The following SCRG1 variants were observed in gnomAD, a reference collection of about 807,000 sequenced individuals.
SCRG1 encodes scrapie-responsive protein 1.
A neutral mutation model predicts 7.7 loss-of-function variants in SCRG1; 3 were observed. The observed-to-expected ratio is 0.39, with a 90% CI of 0.18 to 1.01. The LOEUF is 1.01. SCRG1 is among the 50% of genes least tolerant of loss of function. The probability of loss-of-function intolerance (pLI) is 0.36; values close to 1 mark genes in which losing one functional copy is unlikely to be tolerated. For synonymous variants in SCRG1, 46 were observed against 41.2 expected, an observed-to-expected ratio of 1.12 and a Z score of -0.44; for missense variants, 110 against 117.2, an observed-to-expected ratio of 0.94 and a Z score of 0.28.
At chr4:173,416,253 C>T in the SCRG1 span, among the ~76,000 whole-genome samples, 2 of 152,244 alleles carry the variant, frequency 1.3e-5, no homozygotes, top group African/African-American at 2.4e-5. Flanking sequence ...GATTCTGTCC[C>T]GACAACGGCC....
chr4:173,463,334 C>T, the SCRG1 span, among the ~76,000 whole-genome samples: 9 of 152,148 alleles, frequency 5.9e-5, no homozygotes, highest in Non-Finnish European at 7.4e-5. Flanking sequence ...AGTGCAGTGC[C>T]GTGATCTCGG....
intron 1 of SCRG1, chr4:173,404,449 G>A (rs1739848629): frequency 6.6e-6 from 1 of 152,106 alleles, no homozygotes; most frequent in African/African-American, 2.4e-5. Flanking sequence ...AGTCAGATAT[G>A]GACAGTTGCC....
intron 1 of SCRG1, chr4:173,404,568 A>G (rs1395406286): frequency 6.6e-6 from 1 of 152,234 alleles, no homozygotes; most frequent in Non-Finnish European, 1.5e-5. Context: ...TGAATAAATG[A>G]GTGAGGGGAT....
chr4:173,391,497 T>G, intron 1 of SCRG1, 69 bp from the exon 2 acceptor site: 2 of 1,486,724 alleles, frequency 1.3e-6, no homozygotes, highest in Admixed American at 3.5e-5. Context: ...CTGAATGAAG[T>G]TCTGTAGCAT....
the SCRG1 span, among the ~76,000 whole-genome samples, chr4:173,436,364 T>A: frequency 6.6e-6 from 1 of 152,184 alleles, no homozygotes; most frequent in Non-Finnish European, 1.5e-5. Flanking sequence ...TCTCTCTGAG[T>A]TATGTGCTGC....
chr4:173,392,384 A>G (rs1739474743), intron 1 of SCRG1, among the ~76,000 whole-genome samples: 1 of 152,192 alleles, frequency 6.6e-6, no homozygotes, highest in Admixed American at 6.5e-5. Context: ...ATGAACTCCT[A>G]CCATGATGGG....
At chr4:173,394,085 A>C (rs975497360) in intron 1 of SCRG1, among the ~76,000 whole-genome samples, 3 of 151,518 alleles carry the variant, frequency 2.0e-5, no homozygotes, top group Admixed American at 6.6e-5. Context: ...AAGTCTTTTG[A>C]TTGGAGAGTT....
chr4:173,470,831 A>C, the SCRG1 span, among the ~76,000 whole-genome samples: 1 of 152,256 alleles, frequency 6.6e-6, no homozygotes, highest in Non-Finnish European at 1.5e-5. Context: ...CATAAAAATC[A>C]GTGGACTCTG....
At chr4:173,517,420 T>A in the SCRG1 span, among the ~76,000 whole-genome samples, 8 of 151,698 alleles carry the variant, frequency 5.3e-5, 1 homozygote, top group South Asian at 1.5e-3. Flanking sequence ...TGCCTTTATA[T>A]AAGGAGTTTT....
At chr4:173,394,979 G>A (rs572553840) in intron 1 of SCRG1, among the ~76,000 whole-genome samples, 9 of 152,188 alleles carry the variant, frequency 5.9e-5, no homozygotes, top group African/African-American at 2.2e-4. Context: ...GATGTATAGA[G>A]TATTTCCTTA....
chr4:173,482,060 C>T, the SCRG1 span, among the ~76,000 whole-genome samples: 12,005 of 152,098 alleles, frequency 0.079, 603 homozygotes, highest in Middle Eastern at 0.12. Flanking sequence ...ATTTGACTTA[C>T]ATTATCTTGA....
chr4:173,494,666 C>T, the SCRG1 span, among the ~76,000 whole-genome samples: 2 of 152,276 alleles, frequency 1.3e-5, no homozygotes, highest in African/African-American at 4.8e-5. Context: ...AGAAGAAGGA[C>T]CCGGGAGCTC....
the SCRG1 span, among the ~76,000 whole-genome samples, chr4:173,504,619 A>G: frequency 2.6e-5 from 4 of 152,200 alleles, no homozygotes; most frequent in Admixed American, 6.5e-5. The surrounding 1 kb of genome is among the most constrained non-coding windows in gnomAD (Gnocchi z 4.7). Flanking sequence ...TTTTGTGCAC[A>G]ATTATTTTTA....
chr4:173,427,004 C>T, the SCRG1 span, among the ~76,000 whole-genome samples: 7 of 152,300 alleles, frequency 4.6e-5, no homozygotes, highest in South Asian at 1.4e-3. Flanking sequence ...CATTGTCTGT[C>T]TTCCCCTTTT....
the SCRG1 span, among the ~76,000 whole-genome samples, chr4:173,492,552 T>C: frequency 1.3e-5 from 2 of 152,006 alleles, no homozygotes; most frequent in Non-Finnish European, 2.9e-5. Flanking sequence ...AACAGAAAAC[T>C]CTCTAGATCT....
chr4:173,435,118 A>ATG, the SCRG1 span, among the ~76,000 whole-genome samples: 598 of 151,402 alleles, frequency 3.9e-3, 1 homozygote, highest in African/African-American at 0.014. Flanking sequence ...ATATATATCT[A>ATG]TGTGTGTGTG....
At chr4:173,483,429 AG>A in the SCRG1 span, among the ~76,000 whole-genome samples, 2 of 9,648 alleles carry the variant, frequency 2.1e-4, no homozygotes, top group African/African-American at 5.1e-4. Flanking sequence ...ATCATGATAT[AG>A]TATATATTAT....
upstream of SCRG1, among the ~76,000 whole-genome samples, chr4:173,400,472 T>G (rs887361403): frequency 2.0e-5 from 3 of 152,198 alleles, no homozygotes; most frequent in Admixed American, 6.5e-5. Flanking sequence ...TGAGAATGTT[T>G]AGTAGGCAGT....
rs11302799 is a variant in SCRG1, at chr4:173,386,301, A to ATTTTTTTTTTTTTTTTTTTTTTTTTTTTT, written c.*2039_*2040insAAAAAAAAAAAAAAAAAAAAAAAAAAAAA. 1.7e-5 allele frequency: 2 copies of ATTTTTTTTTTTTTTTTTTTTTTTTTTTTT among 117,030 alleles called. No individual in the cohort carries two copies. The highest frequency in any genetic ancestry group is 6.1e-5 in the African/African-American group (2 of 32,530). 7.2% of individuals were successfully genotyped at this position (117,030 alleles called of 1,614,324 possible). ...AGGCGCCTGCCACCACGCCCAGCTA[A>ATTTTTTTTTTTTTTTTTTTTTTTTTTTTT]TTTTTTTTTTTTTTTTTTTTGTATT... On this transcript the variant is annotated 3_prime_UTR_variant, in exon 3 of 3. Coordinates refer to ENST00000296506, the MANE Select transcript of SCRG1 (RefSeq NM_007281.4).
Sources: gnomAD v4.1 joint callset for allele counts (sites outside exome capture counted in the v4.1 genomes callset) on GRCh38, gnomAD v4.1.1 for gene constraint, Gnocchi (gnomAD v3.1) non-coding constraint, MANE v1.5 for transcripts, NCBI Gene and HGNC (gene_info 2026-07-23, HGNC 2026-07-21) for gene names.